Variants in TMEM74 observed in about 807,000 individuals in gnomAD.
TMEM74 encodes transmembrane protein 74.
In TMEM74, 13 loss-of-function variants were observed where a neutral mutation model predicts 18.1. The ratio of observed to expected loss-of-function variants is 0.72; its 90% CI spans 0.47 to 1.14. TMEM74 has a LOEUF of 1.14. Among genes scored for constraint, TMEM74 ranks in the 50% most tolerant of loss-of-function variants. The pLI, the probability that TMEM74 is intolerant of heterozygous loss-of-function variation, is 0.00. For synonymous variants in TMEM74, 159 were observed against 146.6 expected, an observed-to-expected ratio of 1.08 and a Z score of -0.61; for missense variants, 372 against 375.9, an observed-to-expected ratio of 0.99 and a Z score of 0.09.
chr8:108,621,130 G>T (rs183640005), intron 2 of TMEM74, among the ~76,000 whole-genome samples: 2 of 152,212 alleles, frequency 1.3e-5, no homozygotes, highest in African/African-American at 4.8e-5. Context: ...ACTAAGCCTT[G>T]GATACAGGTA....
chr8:108,684,124 T>C (rs1813144357), intron 1 of TMEM74, among the ~76,000 whole-genome samples: 1 of 152,056 alleles, frequency 6.6e-6, no homozygotes, highest in Non-Finnish European at 1.5e-5. Flanking sequence ...TTACCAACAA[T>C]GGGGTTGCTG....
chr8:108,689,701 C>A (rs111612734), intron 1 of TMEM74, among the ~76,000 whole-genome samples: 4,362 of 152,218 alleles, frequency 0.029, 113 homozygotes, highest in African/African-American at 0.064. Flanking sequence ...TCCATTTGTG[C>A]GACCAACACA....
intron 1 of TMEM74, among the ~76,000 whole-genome samples, chr8:108,713,780 C>T (rs567985749): frequency 2.6e-5 from 4 of 152,292 alleles, no homozygotes; most frequent in Admixed American, 6.5e-5. Context: ...AGTTGCAGGA[C>T]AAGCCATCTG....
chr8:108,628,841 G>GGTATCT (rs1474460774), intron 2 of TMEM74, among the ~76,000 whole-genome samples: 2 of 152,006 alleles, frequency 1.3e-5, no homozygotes, highest in African/African-American at 4.8e-5. Flanking sequence ...GGCATGAGAT[G>GGTATCT]GTATCTCACT....
chr8:108,619,906 G>C (rs568091355), intron 2 of TMEM74, among the ~76,000 whole-genome samples: 1 of 152,144 alleles, frequency 6.6e-6, no homozygotes, highest in African/African-American at 2.4e-5. Context: ...GAGAGTCTAT[G>C]TTGGAATCAG....
At chr8:108,759,486 C>A (rs867228571) in intron 1 of TMEM74, among the ~76,000 whole-genome samples, 1 of 151,976 alleles carries the variant, frequency 6.6e-6, no homozygotes, top group South Asian at 2.1e-4. Context: ...ACTTTTGAAA[C>A]AACTTAAAAG....
intron 1 of TMEM74, among the ~76,000 whole-genome samples, chr8:108,674,718 G>C (rs1401248689): frequency 6.6e-6 from 1 of 152,132 alleles, no homozygotes; most frequent in Non-Finnish European, 1.5e-5. Context: ...AACTGAACTG[G>C]GCCCCAGATG....
In TMEM74 at chr8:108,662,106, A is replaced by G. The variant is rs539191351; in HGVS notation, n.120-6669T>C. 1.4e-4 allele frequency among the ~76,000 whole-genome samples: 21 copies of G among 152,224 alleles called. No individual in the cohort carries two copies. The East Asian group carries it at 3.9e-3, about 28-fold the overall frequency. Reference sequence around the variant, plus strand: ...CTTATACGCTAAAAAAGATGGATAGACCCATTGGGAGAACAAAGGATTTGG... The same window carrying G: ...CTTATACGCTAAAAAAGATGGATAGGCCCATTGGGAGAACAAAGGATTTGG... On this transcript the variant is annotated intron_variant and non_coding_transcript_variant, in intron 1 of 3. Transcript: ENST00000518838.
intron 1 of TMEM74, among the ~76,000 whole-genome samples, chr8:108,737,901 A>G (rs1424809268): frequency 1.3e-5 from 2 of 152,128 alleles, no homozygotes; most frequent in African/African-American, 4.8e-5. Context: ...GTAGCACATA[A>G]TCTCCAAACT....
At chr8:108,729,519 G>T (rs532213729) in intron 1 of TMEM74, among the ~76,000 whole-genome samples, 6 of 152,264 alleles carry the variant, frequency 3.9e-5, no homozygotes, top group Non-Finnish European at 5.9e-5. Flanking sequence ...TTAGGGCAAG[G>T]ATATCTTTGG....
chr8:108,633,191 A>G (rs527316119), intron 2 of TMEM74, among the ~76,000 whole-genome samples: 2 of 152,004 alleles, frequency 1.3e-5, no homozygotes, highest in East Asian at 3.9e-4. Flanking sequence ...TTCCCCCACC[A>G]TTTTATACTT....
rs147240452 is a variant in TMEM74 at position 108,740,223 on chromosome 8, C to T, written n.119+47253G>A. Reference sequence around the variant, plus strand: ...TTTCTTCCCAACACTCAGCTTTTTCCCAACAGTGGCTAACATGGGGTTTCT... The same window carrying T: ...TTTCTTCCCAACACTCAGCTTTTTCTCAACAGTGGCTAACATGGGGTTTCT... On this transcript the variant is annotated intron_variant and non_coding_transcript_variant, in intron 1 of 3. Transcript: ENST00000518838. Among the ~76,000 whole-genome samples, 100 of 152,232 alleles carry T rather than the reference C, an allele frequency of 6.6e-4. 1 individual carries two copies. The highest frequency in any genetic ancestry group is 1.2e-3 in the Admixed American group (18 of 15,278).
chr8:108,629,245 T>C (rs371136123), intron 2 of TMEM74, among the ~76,000 whole-genome samples: 1 of 151,804 alleles, frequency 6.6e-6, no homozygotes, highest in African/African-American at 2.4e-5. Flanking sequence ...AGATTGAAGA[T>C]CAACTTACCA....
chr8:108,696,362 G>T (rs759762349), intron 1 of TMEM74, among the ~76,000 whole-genome samples: 22 of 152,192 alleles, frequency 1.4e-4, no homozygotes, highest in Non-Finnish European at 2.1e-4. Flanking sequence ...TAAAAAACTT[G>T]TTCAAAGGGT....
chr8:108,670,479 T>A (rs1812993447), intron 1 of TMEM74, among the ~76,000 whole-genome samples: 2 of 152,194 alleles, frequency 1.3e-5, no homozygotes, highest in South Asian at 2.1e-4. Context: ...TATACTGCAG[T>A]GCTGTGTGGT....
At chr8:108,730,078 C>G in intron 1 of TMEM74, among the ~76,000 whole-genome samples, 1 of 152,198 alleles carries the variant, frequency 6.6e-6, no homozygotes, top group Admixed American at 6.5e-5. Flanking sequence ...TGAATAAAAG[C>G]CTTTGTGGGC....
At chr8:108,720,784 T>C (rs1333659329) in intron 1 of TMEM74, among the ~76,000 whole-genome samples, 2 of 152,092 alleles carry the variant, frequency 1.3e-5, no homozygotes, top group Non-Finnish European at 2.9e-5. Flanking sequence ...GTTTGTTTAG[T>C]TCAAGACGGA....
chr8:108,731,461 C>G (rs1469604572), intron 1 of TMEM74, among the ~76,000 whole-genome samples: 1 of 152,112 alleles, frequency 6.6e-6, no homozygotes, highest in Non-Finnish European at 1.5e-5. Context: ...TTCTGCCTGC[C>G]AAAGCATTTA....
chr8:108,722,023 A>C (rs548176226), intron 1 of TMEM74, among the ~76,000 whole-genome samples: 1 of 152,300 alleles, frequency 6.6e-6, no homozygotes, highest in South Asian at 2.1e-4. Flanking sequence ...GAACACAAGA[A>C]ATCTTTGCCT....
Sources: gnomAD v4.1 joint callset for allele counts (sites outside exome capture counted in the v4.1 genomes callset) on GRCh38, gnomAD v4.1.1 for gene constraint, MANE v1.5 for transcripts, NCBI Gene and HGNC (gene_info 2026-07-23, HGNC 2026-07-21) for gene names.